Variants in MTMR14 observed in about 807,000 individuals in gnomAD.
MTMR14 encodes phosphatidylinositol-3,5-bisphosphate 3-phosphatase MTMR14.
Under a neutral mutation model 86.3 loss-of-function variants are expected in MTMR14, and 48 were observed. The observed-to-expected ratio is 0.56, with a 90% CI of 0.44 to 0.71. MTMR14 has a LOEUF of 0.71. Ranked by LOEUF, MTMR14 falls within the 30% of genes least tolerant of loss-of-function variation. The pLI, the probability that MTMR14 is intolerant of heterozygous loss-of-function variation, is 0.00. For missense variants in MTMR14, 780 were observed against 834.6 expected (o/e 0.93, Z 0.81); for synonymous variants, 366 against 326.1 (o/e 1.12, Z -1.32).
chr3:9,677,373 T>C lies in MTMR14; in HGVS notation c.808T>C (p.Phe270Leu), dbSNP rs374251047. The C allele has an allele frequency of 2.4e-5, 38 of 1,613,886 alleles. No homozygotes were observed. The highest frequency in any genetic ancestry group is 6.7e-5 in the Admixed American group (4 of 59,996). The change falls in exon 8 of 19, where the codon TTT becomes CTT. Residue 270 changes from phenylalanine (F) to leucine (L), a missense_variant. Physicochemically the swap from Phe to Leu is conservative, Grantham distance 22. Transcript: ENST00000296003. The surrounding 1 kb of genome is among the most constrained non-coding windows in gnomAD (Gnocchi z 4.2). ...GGATTACATGGCAGAAGGGCTCATA[T>C]TTAACTGGAAGCAGGTATGAGCAAT... ...DRDYMAEGLIFNWKQDYVDAP... is the reference protein window; with the variant it reads ...DRDYMAEGLILNWKQDYVDAP...
Position 9,702,216 on chromosome 3 carries a change from G to T in MTMR14, c.*243G>T. 1 of 574,828 alleles carries T rather than the reference G, an allele frequency of 1.7e-6. No homozygotes were observed. The allele number at this position is 574,828 out of a possible 1,614,324, so 35.6% of individuals were successfully genotyped here. ...GTCTCCCACCCACCCCATCTTTGCT[G>T]GGATTCCCATCAACTCTCAGAACTG... is the stretch of plus-strand genomic sequence containing the variant. On this transcript the variant is annotated 3_prime_UTR_variant, in exon 19 of 19. Coordinates refer to ENST00000296003, the MANE Select transcript of MTMR14 (RefSeq NM_001077525.3).
Position 9,677,873 on chromosome 3 carries a change from G to A in MTMR14, c.823-111G>A, listed in dbSNP as rs542195173. The stretch of plus-strand genomic sequence containing the variant: ...AGGTAGCACAGGTATCTGGCCCAGA[G>A]AAGGCAAGCACTGCCTGTGGTAGTC... On this transcript the variant is annotated intron_variant, in intron 8 of 18. Coordinates refer to ENST00000296003, the MANE Select transcript of MTMR14 (RefSeq NM_001077525.3). The surrounding 1 kb of genome is among the most constrained non-coding windows in gnomAD (Gnocchi z 4.2). 3 of 908,016 alleles carry A rather than the reference G, an allele frequency of 3.3e-6. No homozygotes were observed. Among genetic ancestry groups the A allele is most frequent in the South Asian group, 3.1e-5 (2 of 65,020 alleles). 56.2% of individuals were successfully genotyped at this position (908,016 alleles called of 1,614,324 possible).
chr3:9,698,323 T>G (rs1275615742), intron 18 of MTMR14, among the ~76,000 whole-genome samples: 1 of 152,256 alleles, frequency 6.6e-6, no homozygotes, highest in African/African-American at 2.4e-5. Flanking sequence ...CTTCTGTTTT[T>G]GCCTCTGGGC....
intron 13 of MTMR14, 99 bp downstream of exon 13, chr3:9,685,346 C>A: frequency 1.4e-6 from 2 of 1,454,344 alleles, no homozygotes; most frequent in Non-Finnish European, 1.9e-6. Context: ...AGCTCCTTGC[C>A]CCAGGTGTGC....
intron 4 of MTMR14, 54 bp downstream of exon 4, chr3:9,668,848 T>A: frequency 6.3e-7 from 1 of 1,585,324 alleles, no homozygotes. Context: ...TCATAGAGAA[T>A]AGCTACCCGG....
chr3:9,697,166 AGG>A (rs2076305543), intron 17 of MTMR14, among the ~76,000 whole-genome samples: 2 of 152,164 alleles, frequency 1.3e-5, no homozygotes, highest in African/African-American at 4.8e-5. Context: ...CTGCAGAGAA[AGG>A]GGGGACCTCA....
intron 2 of MTMR14, 41 bp downstream of exon 2, chr3:9,653,810 C>T (rs756955983): frequency 3.0e-5 from 48 of 1,613,422 alleles, no homozygotes; most frequent in Middle Eastern, 1.7e-4. Context: ...CTGGGGAGTC[C>T]GTGGCAGCTA....
intron 17 of MTMR14, among the ~76,000 whole-genome samples, chr3:9,696,490 C>T (rs1056343061): frequency 2.6e-5 from 4 of 152,128 alleles, no homozygotes; most frequent in Non-Finnish European, 4.4e-5. Flanking sequence ...CCAGCCTGGG[C>T]GACAAGAGCA....
At chr3:9,699,417 G>A (rs2076385269) in intron 18 of MTMR14, 2 of 152,236 alleles carry the variant, frequency 1.3e-5, no homozygotes, top group South Asian at 4.1e-4. Context: ...CTCAGAGGAG[G>A]GCTGGATTCC....
At chr3:9,665,638 G>T (rs1222365048) in intron 3 of MTMR14, among the ~76,000 whole-genome samples, 1 of 152,016 alleles carries the variant, frequency 6.6e-6, no homozygotes, top group East Asian at 1.9e-4. Context: ...TAAGAAAAAA[G>T]AAATGCTTGC....
At chr3:9,684,540 T>C in intron 10 of MTMR14, 45 bp from the exon 11 acceptor site, 3 of 1,584,190 alleles carry the variant, frequency 1.9e-6, no homozygotes, top group Non-Finnish European at 2.6e-6. Flanking sequence ...CATCGGCCCA[T>C]GTCTGGTTCT....
chr3:9,666,526 C>T (rs961515809), intron 3 of MTMR14, among the ~76,000 whole-genome samples: 3 of 152,262 alleles, frequency 2.0e-5, no homozygotes, highest in African/African-American at 7.2e-5. Context: ...GTAAAATATT[C>T]ATTTTAAAAG....
At chr3:9,666,129 G>GT (rs1404646786) in intron 3 of MTMR14, among the ~76,000 whole-genome samples, 151 of 131,542 alleles carry the variant, frequency 1.1e-3, no homozygotes, top group African/African-American at 3.7e-3. Flanking sequence ...CCCAAAGTTT[G>GT]TTGGTTTTTT....
intron 9 of MTMR14, among the ~76,000 whole-genome samples, chr3:9,681,873 C>T (rs12496433): frequency 0.13 from 20,370 of 152,166 alleles, 1,767 homozygotes; most frequent in African/African-American, 0.25. Context: ...CAGCCCAGCC[C>T]TCCCCAGCCT....
intron 18 of MTMR14, 50 bp downstream of exon 18, chr3:9,697,916 G>T: frequency 6.2e-7 from 1 of 1,611,616 alleles, no homozygotes. Context: ...CATGGGAAAA[G>T]CTGGTGAGCA....
intron 1 of MTMR14, among the ~76,000 whole-genome samples, chr3:9,651,402 C>T (rs2047282213): frequency 6.6e-6 from 1 of 152,138 alleles, no homozygotes; most frequent in South Asian, 2.1e-4. Context: ...CACACCTGGC[C>T]AGTAAGGGTC....
chr3:9,698,623 C>T (rs1414318727), intron 18 of MTMR14, among the ~76,000 whole-genome samples: 1 of 152,212 alleles, frequency 6.6e-6, no homozygotes, highest in Non-Finnish European at 1.5e-5. Flanking sequence ...CAATCCAGCT[C>T]ATCCCCCCAC....
chr3:9,682,720 T>G (rs2075808028), intron 9 of MTMR14, among the ~76,000 whole-genome samples: 1 of 152,248 alleles, frequency 6.6e-6, no homozygotes, highest in Non-Finnish European at 1.5e-5. Context: ...ATGTTTTAGT[T>G]TCTGTGATGT....
Position 9,672,630 on chromosome 3 carries a change from T to C in MTMR14, c.678-55T>C, listed in dbSNP as rs543857496. 1.0e-5 allele frequency: 14 copies of C among 1,389,010 alleles called. No individual in the cohort carries two copies. The South Asian group carries it at 1.2e-4, about 11-fold the overall frequency. The allele number at this position is 1,389,010 out of a possible 1,614,324, so 86.0% of individuals were successfully genotyped here. A position where few individuals can be genotyped will look rare whatever the true frequency, so the allele number is the denominator to read the frequency against. ...ATTATAACCCTTATTTGGGGAATGG[T>C]GTGTGTTTGTGTGTGTGTTGCGACA... On this transcript the variant is annotated intron_variant, in intron 6 of 18. Coordinates refer to ENST00000296003, the MANE Select transcript of MTMR14 (RefSeq NM_001077525.3).
Sources: gnomAD v4.1 joint callset for allele counts (sites outside exome capture counted in the v4.1 genomes callset) on GRCh38, gnomAD v4.1.1 for gene constraint, Gnocchi (gnomAD v3.1) non-coding constraint, MANE v1.5 for transcripts, NCBI Gene and HGNC (gene_info 2026-07-23, HGNC 2026-07-21) for gene names.